Variants in DSP observed in about 807,000 individuals in gnomAD.
DSP encodes the protein 250/210 kDa paraneoplastic pemphigus antigen.
DSP carries 114 observed loss-of-function variants against 290.6 expected under a neutral mutation model. The observed-to-expected ratio is 0.39, with a 90% CI of 0.34 to 0.46. The LOEUF (loss-of-function observed/expected upper bound fraction) is 0.46, where lower values mean the gene tolerates loss of function less well. DSP is among the 20% of genes least tolerant of loss of function. The probability of loss-of-function intolerance (pLI) is 0.99; values close to 1 mark genes in which losing one functional copy is unlikely to be tolerated. For missense variants in DSP, 3,230 were observed against 3,495.8 expected, an observed-to-expected ratio of 0.92 and a Z score of 1.92; for synonymous variants, 1,311 against 1,316.4, an observed-to-expected ratio of 1.00 and a Z score of 0.09.
intron 3 of DSP, among the ~76,000 whole-genome samples, chr6:7,558,496 A>G (rs1178305751): frequency 2.0e-5 from 3 of 148,232 alleles, no homozygotes; most frequent in Non-Finnish European, 4.5e-5. Context: ...GCCCTTTGGC[A>G]TGGCATTTGA....
rs549437034 is a variant in DSP, at chr6:7,551,507, G to A, written c.171-4211G>A. ...AGCTTTGCGTGGTGGCAGTGTGCCTGTAATCCCAGCTACTTGGGAGGCTGA... is the reference window on the plus strand; with the variant it reads ...AGCTTTGCGTGGTGGCAGTGTGCCTATAATCCCAGCTACTTGGGAGGCTGA... On this transcript the variant is annotated intron_variant, in intron 1 of 23. Transcript: ENST00000379802. Among the ~76,000 whole-genome samples the A allele has an allele frequency of 1.7e-4, 26 of 152,204 alleles. No homozygotes were observed. The South Asian group carries it at 5.0e-3, about 29-fold the overall frequency.
At chr6:7,575,225 G>T in intron 17 of DSP, 70 bp from the exon 18 acceptor site, 1 of 1,518,568 alleles carries the variant, frequency 6.6e-7, no homozygotes. Context: ...CGCCCAATTT[G>T]GTGACTTGTA....
chr6:7,567,280 C>T, intron 8 of DSP, 74 bp from the exon 9 acceptor site: 1 of 1,160,292 alleles, frequency 8.6e-7, no homozygotes, highest in Non-Finnish European at 1.3e-6. Context: ...TTCATGCAGG[C>T]TCACCTATCT....
chr6:7,578,425 T>C, intron 21 of DSP, 39 bp from the exon 22 acceptor site: 1 of 1,548,972 alleles, frequency 6.5e-7, no homozygotes, highest in Non-Finnish European at 8.9e-7. Context: ...TTTTTTTTAA[T>C]GCAATATCTT....
At chr6:7,575,533 G>C in intron 18 of DSP, 45 bp downstream of exon 18, 1 of 1,610,684 alleles carries the variant, frequency 6.2e-7, no homozygotes, top group South Asian at 1.1e-5. Context: ...CTCCCCTTTT[G>C]GTTGTTCACA....
At position 7,584,573 on chromosome 6, in the gene DSP, G is replaced by T. The variant is rs1296192967; in HGVS notation, c.7311G>T (p.Glu2437Asp). 1.2e-6 allele frequency: 2 copies of T among 1,614,050 alleles called. No individual in the cohort carries two copies. The highest frequency in any genetic ancestry group is 2.2e-5 in the South Asian group (2 of 91,074). Residue 2437 changes from glutamate (E) to aspartate (D), a missense_variant, in exon 24 of 24, where the codon GAG (glutamate) becomes GAT (aspartate). By Grantham distance (45) the Glu-to-Asp change is conservative. This residue lies in a region of DSP where 582 missense variants were observed against 555.4 expected (regional missense o/e 1.05). Transcript: ENST00000379802. The surrounding 1 kb of genome is among the most constrained non-coding windows in gnomAD (Gnocchi z 6.4). ...LQLKERCIKD[E>D]ETGLCLLPLK... ...TAAAAGAAAGATGCATTAAGGATGA[G>T]GAAACAGGGCTCTGTCTTCTGCCTC...
chr6:7,563,683 TC>T, intron 5 of DSP, 52 bp from the exon 6 acceptor site: 2 of 1,504,060 alleles, frequency 1.3e-6, no homozygotes, highest in Non-Finnish European at 1.9e-6. Flanking sequence ...GCCACTCTTT[TC>T]TATACAATCC....
intron 10 of DSP, 118 bp downstream of exon 10, chr6:7,568,024 A>C: frequency 2.7e-6 from 4 of 1,458,614 alleles, no homozygotes; most frequent in Non-Finnish European, 3.7e-6. Context: ...AGAGCCAAGC[A>C]AGCATTTTCT....
rs1759564582 is a variant in DSP at position 7,584,531 on chromosome 6, T to C, written c.7269T>C (p.Asn2423=). ...TTTTTGACCCCAACACTGAAGAAAA[T>C]CTTACCTATCTGCAACTAAAAGAAA... ...KGFFDPNTEE[N]LTYLQLKERC... The change falls in exon 24 of 24, where the codon AAT becomes AAC. Residue 2423 remains asparagine, a synonymous_variant. Transcript: ENST00000379802. This position sits in a 1 kb window ranked among gnomAD's most constrained non-coding sequence, Gnocchi z 6.4. 1.2e-6 allele frequency: 2 copies of C among 1,613,970 alleles called. No individual in the cohort carries two copies.
At chr6:7,545,743 G>A (rs987807171) in intron 1 of DSP, among the ~76,000 whole-genome samples, 4 of 152,176 alleles carry the variant, frequency 2.6e-5, no homozygotes, top group African/African-American at 9.7e-5. Context: ...CATCTGTCGT[G>A]GGGGCACTGG....
In DSP at chr6:7,583,528, C is replaced by G; in HGVS notation, c.6266C>G (p.Ala2089Gly). 1 of 1,614,074 alleles carries G rather than the reference C, an allele frequency of 6.2e-7. No individual in the cohort carries two copies. Among genetic ancestry groups the G allele is most frequent in the Non-Finnish European group, 8.5e-7 (1 of 1,180,012 alleles). ...GATGACCGTCAGCAGATATATGCAG[C>G]AGAAAAAGCTATCACTGGTTTTGAT... ...DFDDRQQIYA[A>G]EKAITGFDDP... Residue 2089 changes from alanine (A) to glycine (G), a missense_variant, in exon 24 of 24, where the codon GCA becomes GGA. Ala to Gly is a moderately conservative substitution (Grantham distance 60). This residue lies in a region of DSP where 1,714 missense variants were observed against 1,844.5 expected (regional missense o/e 0.93). Transcript: ENST00000379802. The surrounding 1 kb of genome is among the most constrained non-coding windows in gnomAD (Gnocchi z 4.0).
At chr6:7,560,119 G>C (rs951296776) in intron 4 of DSP, among the ~76,000 whole-genome samples, 2 of 152,186 alleles carry the variant, frequency 1.3e-5, no homozygotes, top group Non-Finnish European at 2.9e-5. Flanking sequence ...TCATGTAGAT[G>C]GGAATTTTAT....
At chr6:7,574,824 A>G in intron 17 of DSP, 29 bp downstream of exon 17, 1 of 1,614,088 alleles carries the variant, frequency 6.2e-7, no homozygotes, top group Non-Finnish European at 8.5e-7. Context: ...ACAGTGGCCC[A>G]ACTTACAGGA....
At chr6:7,573,801 C>G (rs1372807146) in intron 15 of DSP, among the ~76,000 whole-genome samples, 1 of 152,088 alleles carries the variant, frequency 6.6e-6, no homozygotes, top group African/African-American at 2.4e-5. Context: ...TACAAACTTG[C>G]ATTTGTGTGG....
At position 7,577,000 on chromosome 6, in the gene DSP, G is replaced by A. The variant is rs1396297246; in HGVS notation, c.2835G>A (p.Glu945=). 2.5e-6 allele frequency: 4 copies of A among 1,612,314 alleles called. No homozygotes were observed. The highest frequency in any genetic ancestry group is 1.1e-5 in the South Asian group (1 of 90,598). Residue 945 remains glutamate, a synonymous_variant, in exon 20 of 24, where the codon GAG becomes GAA. Coordinates refer to ENST00000379802, the MANE Select transcript of DSP (RefSeq NM_004415.4). The stretch of plus-strand genomic sequence containing the variant: ...TATCTGGCAAACGAGACAAATCAGA[G>A]GAAGTACAAAAAATTGCTGAACTTT... The part of the protein sequence containing the change: ...SEISGKRDKS[E]EVQKIAELCA...
rs929511235 is a variant in DSP, at chr6:7,565,791, G to A, written c.939+271G>A. ...AATGATGAGAATACATGGATACATC[G>A]AGGGCAACAACACACACTGGGGCCT... On this transcript the variant is annotated intron_variant, in intron 7 of 23. Coordinates refer to ENST00000379802, the MANE Select transcript of DSP (RefSeq NM_004415.4). This position sits in a 1 kb window ranked among gnomAD's most constrained non-coding sequence, Gnocchi z 4.2. 6.6e-6 allele frequency: 3 copies of A among 452,948 alleles called. No homozygotes were observed. The highest frequency in any genetic ancestry group is 2.1e-5 in the South Asian group (1 of 48,744). The allele number at this position is 452,948 out of a possible 1,614,324, so 28.1% of individuals were successfully genotyped here.
In DSP at chr6:7,559,494, A is replaced by G. The variant is rs547803172; in HGVS notation, c.597+94A>G. 591 of 1,521,722 alleles carry G rather than the reference A, an allele frequency of 3.9e-4. No individual in the cohort carries two copies. In the Middle Eastern group the frequency reaches 8.2e-3, roughly 21 times the overall value. The allele number at this position is 1,521,722 out of a possible 1,614,324, so 94.3% of individuals were successfully genotyped here. A position where few individuals can be genotyped will look rare whatever the true frequency, so the allele number is the denominator to read the frequency against. On this transcript the variant is annotated intron_variant, in intron 4 of 23. Transcript: ENST00000379802. ...GTGTTTGTGTGACAAAGAGTCTTCT[A>G]GACCTCAGGTGGCGGCAGCAGCTTG... is the stretch of plus-strand genomic sequence containing the variant.
chr6:7,563,877 G>A, intron 6 of DSP, 91 bp downstream of exon 6: 3 of 1,168,606 alleles, frequency 2.6e-6, no homozygotes, highest in Non-Finnish European at 3.9e-6. Flanking sequence ...TGGCGGGGAG[G>A]CACCTGTTCA....
intron 11 of DSP, 80 bp from the exon 12 acceptor site, chr6:7,569,106 C>T (rs975436169): frequency 2.1e-5 from 34 of 1,592,296 alleles, no homozygotes; most frequent in Non-Finnish European, 2.4e-5. Context: ...ATGTGTTCAT[C>T]TCTGTTTCCA....
Sources: gnomAD v4.1 joint callset for allele counts (sites outside exome capture counted in the v4.1 genomes callset) on GRCh38, gnomAD v4.1.1 for gene constraint, gnomAD v4.1.1 regional missense constraint, Gnocchi (gnomAD v3.1) non-coding constraint, MANE v1.5 for transcripts, NCBI Gene and HGNC (gene_info 2026-07-23, HGNC 2026-07-21) for gene names.